Variants in CELF2 observed in about 807,000 individuals in gnomAD.
The protein encoded by CELF2 is CUGBP Elav-like family member 2, also known as CUG triplet repeat RNA-binding protein 2.
A neutral mutation model predicts 62.6 loss-of-function variants in CELF2; 8 were observed. That is an observed-to-expected ratio of 0.13 (90% CI 0.07 to 0.23). The LOEUF (loss-of-function observed/expected upper bound fraction) is 0.23, where lower values mean the gene tolerates loss of function less well. Ranked by LOEUF, CELF2 falls within the 10% of genes least tolerant of loss-of-function variation. CELF2 has a pLI of 1.00. For synonymous variants in CELF2, 258 were observed against 250.0 expected (o/e 1.03, Z -0.30); for missense variants, 333 against 671.0 (o/e 0.50, Z 5.56).
At chr10:10,919,679 G>A (rs2064701537) in intron 1 of CELF2, among the ~76,000 whole-genome samples, 1 of 152,158 alleles carries the variant, frequency 6.6e-6, no homozygotes, top group African/African-American at 2.4e-5. Context: ...TCTGGATGTT[G>A]TACATTTTTA....
At chr10:11,069,453 A>G (rs112970694) in intron 1 of CELF2, among the ~76,000 whole-genome samples, 14 of 149,452 alleles carry the variant, frequency 9.4e-5, no homozygotes, top group African/African-American at 2.2e-4. Flanking sequence ...ATGCATTTCA[A>G]TGGATGAAAA....
the CELF2 span, among the ~76,000 whole-genome samples, chr10:10,777,054 G>A: frequency 2.0e-5 from 3 of 152,022 alleles, no homozygotes; most frequent in East Asian, 1.9e-4. Context: ...TGCGCTACCC[G>A]CCTCCCGATT....
In CELF2 at chr10:11,336,231, C is replaced by T. The variant is rs558948028; in HGVS notation, c.*7178C>T. ...AAGTGAATAAAACATTGTGACCAAA[C>T]AATCAGCTTATTCACTTATCAGGAA... On this transcript the variant is annotated 3_prime_UTR_variant, in exon 13 of 13. Transcript: ENST00000633077. The surrounding 1 kb of genome is among the most constrained non-coding windows in gnomAD (Gnocchi z 5.4). 1 of 152,788 alleles carries T rather than the reference C, an allele frequency of 6.5e-6. No homozygotes were observed. Among genetic ancestry groups the T allele is most frequent in the South Asian group, 2.1e-4 (1 of 4,824 alleles). The allele number at this position is 152,788 out of a possible 1,614,324, so 9.5% of individuals were successfully genotyped here. A position where few individuals can be genotyped will look rare whatever the true frequency, so the allele number is the denominator to read the frequency against.
chr10:11,261,818 A>G (rs935000152), intron 5 of CELF2, among the ~76,000 whole-genome samples: 7 of 152,326 alleles, frequency 4.6e-5, no homozygotes, highest in African/African-American at 1.7e-4. Flanking sequence ...ATGGGCCCAC[A>G]TGTGGCAATT....
intron 2 of CELF2, among the ~76,000 whole-genome samples, chr10:11,215,113 A>G (rs17149878): frequency 0.054 from 8,222 of 152,324 alleles, 461 homozygotes; most frequent in East Asian, 0.24. Flanking sequence ...ACTAGCAACA[A>G]TTAAATGTCT....
chr10:10,815,721 C>T (rs1178922938), intron 1 of CELF2, among the ~76,000 whole-genome samples: 4 of 151,998 alleles, frequency 2.6e-5, no homozygotes, highest in Admixed American at 1.3e-4. Flanking sequence ...AAATTAGCTT[C>T]CTTGTCTTTT....
the CELF2 span, among the ~76,000 whole-genome samples, chr10:10,749,187 T>C: frequency 6.6e-6 from 1 of 152,232 alleles, no homozygotes; most frequent in Non-Finnish European, 1.5e-5. Context: ...TAATGTCTAC[T>C]ATGTGTCACA....
chr10:10,769,210 G>T, the CELF2 span, among the ~76,000 whole-genome samples: 1 of 152,116 alleles, frequency 6.6e-6, no homozygotes, highest in African/African-American at 2.4e-5. Flanking sequence ...TGAACTCAAA[G>T]TCTATCAGGC....
chr10:10,582,144 TTTTCCTATCATAC>T, the CELF2 span, among the ~76,000 whole-genome samples: 2 of 152,208 alleles, frequency 1.3e-5, no homozygotes, highest in Non-Finnish European at 2.9e-5. Context: ...ACTAAGGACC[TTTTCCTATCATAC>T]TTTCTATCCA....
intron 2 of CELF2, among the ~76,000 whole-genome samples, chr10:10,971,557 G>A (rs952287069): frequency 1.3e-5 from 2 of 152,038 alleles, no homozygotes; most frequent in African/African-American, 4.8e-5. Flanking sequence ...CCACATGCAT[G>A]GTTTTGTTGT....
intron 2 of CELF2, among the ~76,000 whole-genome samples, chr10:10,949,185 C>G (rs2048027506): frequency 6.6e-6 from 1 of 152,140 alleles, no homozygotes; most frequent in South Asian, 2.1e-4. Flanking sequence ...CCCTCCGTCT[C>G]CAAGGCCACC....
intron 1 of CELF2, among the ~76,000 whole-genome samples, chr10:11,151,191 G>A (rs186435820): frequency 7.2e-5 from 11 of 152,256 alleles, no homozygotes; most frequent in Admixed American, 3.3e-4. Context: ...TTCCACCTCC[G>A]GTCCCGTAGT....
At chr10:10,464,499 G>A in the CELF2 span, among the ~76,000 whole-genome samples, 1 of 151,886 alleles carries the variant, frequency 6.6e-6, no homozygotes, top group Non-Finnish European at 1.5e-5. Flanking sequence ...AAATTGAGGT[G>A]CCTCTTCTTT....
chr10:11,203,423 A>G (rs776363335), intron 2 of CELF2, among the ~76,000 whole-genome samples: 1 of 152,232 alleles, frequency 6.6e-6, no homozygotes, highest in Non-Finnish European at 1.5e-5. Flanking sequence ...TTTAGTATCC[A>G]TAATCAGGTA....
rs1565584136 is a variant in CELF2 at position 11,255,720 on chromosome 10, C to T, written c.404-2018C>T. Among the ~76,000 whole-genome samples the T allele has an allele frequency of 6.6e-6, 1 of 152,076 alleles. No homozygotes were observed. Among genetic ancestry groups the T allele is most frequent in the African/African-American group, 2.4e-5 (1 of 41,388 alleles). On this transcript the variant is annotated intron_variant, in intron 4 of 12. Transcript: ENST00000633077. This position sits in a 1 kb window ranked among gnomAD's most constrained non-coding sequence, Gnocchi z 5.5. The stretch of plus-strand genomic sequence containing the variant: ...CCTGCCTCAAGAGCCCCAGTCACCC[C>T]GAGTATGTCACAGGCCACCTTCTCT...
chr10:10,753,297 C>CTGTG, the CELF2 span, among the ~76,000 whole-genome samples: 9 of 66,540 alleles, frequency 1.4e-4, no homozygotes, highest in Non-Finnish European at 2.5e-4. Context: ...ATTTCCAAAG[C>CTGTG]TCTGTGTGTG....
intron 1 of CELF2, among the ~76,000 whole-genome samples, chr10:11,131,712 T>G (rs1279893767): frequency 6.6e-6 from 1 of 152,212 alleles, no homozygotes; most frequent in Non-Finnish European, 1.5e-5. Context: ...TAAACTGTGA[T>G]CCATAGGATA....
the CELF2 span, among the ~76,000 whole-genome samples, chr10:10,477,361 G>A: frequency 1.3e-5 from 2 of 152,158 alleles, no homozygotes; most frequent in African/African-American, 4.8e-5. Flanking sequence ...CGCTGCCTTT[G>A]ATTCAGAGAG....
At chr10:10,652,927 G>A in the CELF2 span, among the ~76,000 whole-genome samples, 1 of 152,116 alleles carries the variant, frequency 6.6e-6, no homozygotes, top group Admixed American at 6.5e-5. Flanking sequence ...CTGGCAAATT[G>A]GATAAAGAGT....
Sources: allele counts gnomAD v4.1 joint callset (sites outside exome capture counted in the v4.1 genomes callset), GRCh38; gene constraint gnomAD v4.1.1; non-coding constraint Gnocchi (gnomAD v3.1); transcripts MANE v1.5; gene names NCBI Gene and HGNC (gene_info 2026-07-23, HGNC 2026-07-21).